ARHGEF26: variants seen among roughly 807,000 people sequenced by gnomAD.
The protein encoded by ARHGEF26 is Rho guanine nucleotide exchange factor (GEF) 26.
A neutral mutation model predicts 89.4 loss-of-function variants in ARHGEF26; 59 were observed. The observed-to-expected ratio is 0.66, with a 90% CI of 0.54 to 0.82. The LOEUF (loss-of-function observed/expected upper bound fraction) is 0.82. Ranked by LOEUF, ARHGEF26 falls within the 40% of genes least tolerant of loss-of-function variation. ARHGEF26 has a pLI of 0.00. For missense variants in ARHGEF26, 1,234 were observed against 1,085.6 expected, an observed-to-expected ratio of 1.14 and a Z score of -1.92; for synonymous variants, 500 against 428.4, an observed-to-expected ratio of 1.17 and a Z score of -2.06.
Position 154,124,391 on chromosome 3 carries a change from ACT to A in ARHGEF26, c.1084-18_1084-17del. 2.0e-6 allele frequency: 2 copies of A among 999,356 alleles called. No individual in the cohort carries two copies. The highest frequency in any genetic ancestry group is 2.5e-6 in the Non-Finnish European group (2 of 807,164). 61.9% of individuals were successfully genotyped at this position (999,356 alleles called of 1,614,324 possible). ...CTTTTCCTTTTTTTTTTTTTTTTTT[ACT>A]TTTTTTTGTCTCTTAGAAAAAAATG... On this transcript the variant is annotated splice_polypyrimidine_tract_variant and intron_variant, in intron 2 of 14. Transcript: ENST00000465093.
intron 9 of ARHGEF26, among the ~76,000 whole-genome samples, chr3:154,196,709 C>G (rs781558935): frequency 2.6e-5 from 4 of 151,950 alleles, no homozygotes; most frequent in Non-Finnish European, 5.9e-5. Context: ...GAGAAGTTAC[C>G]TAAGGTACTA....
intron 11 of ARHGEF26, among the ~76,000 whole-genome samples, chr3:154,229,034 T>A (rs947405483): frequency 5.3e-5 from 8 of 152,180 alleles, no homozygotes; most frequent in African/African-American, 1.4e-4. Flanking sequence ...GCAGAAGGTT[T>A]ATACTGGGCA....
At chr3:154,215,713 C>A (rs1456541072) in intron 9 of ARHGEF26, among the ~76,000 whole-genome samples, 4 of 152,156 alleles carry the variant, frequency 2.6e-5, no homozygotes, top group African/African-American at 9.7e-5. Flanking sequence ...TATGTCCTCA[C>A]ATGGTGGAGA....
At chr3:154,143,956 A>T (rs1359433275) in intron 4 of ARHGEF26, among the ~76,000 whole-genome samples, 1 of 152,194 alleles carries the variant, frequency 6.6e-6, no homozygotes, top group Non-Finnish European at 1.5e-5. Context: ...CAGGCTCAGT[A>T]GCCCACAGCG....
intron 6 of ARHGEF26, among the ~76,000 whole-genome samples, chr3:154,154,789 A>G (rs1205455679): frequency 6.6e-6 from 1 of 151,996 alleles, no homozygotes; most frequent in Non-Finnish European, 1.5e-5. Context: ...AATAATTATC[A>G]TCGAGTAACT....
chr3:154,181,339 C>A (rs1713171167), intron 6 of ARHGEF26, among the ~76,000 whole-genome samples: 1 of 152,118 alleles, frequency 6.6e-6, no homozygotes, highest in African/African-American at 2.4e-5. Flanking sequence ...TGGTATGTTA[C>A]AAGTCTCCAG....
At chr3:154,139,237 A>G (rs1719207704) in intron 4 of ARHGEF26, among the ~76,000 whole-genome samples, 1 of 152,080 alleles carries the variant, frequency 6.6e-6, no homozygotes, top group South Asian at 2.1e-4. Context: ...GTTTTTCCTC[A>G]TTCCTCTGTT....
At chr3:154,237,576 A>ACAC (rs1311210805) in intron 11 of ARHGEF26, among the ~76,000 whole-genome samples, 3 of 150,924 alleles carry the variant, frequency 2.0e-5, no homozygotes, top group Non-Finnish European at 4.4e-5. Flanking sequence ...ACACACACTT[A>ACAC]ACTAGTTTAT....
At chr3:154,193,345 C>G (rs890800506) in intron 8 of ARHGEF26, among the ~76,000 whole-genome samples, 11 of 152,114 alleles carry the variant, frequency 7.2e-5, no homozygotes, top group Admixed American at 6.5e-4. Context: ...GTATTTCTTA[C>G]AGTGAGTCAT....
intron 9 of ARHGEF26, among the ~76,000 whole-genome samples, chr3:154,212,537 C>T (rs1211878383): frequency 6.7e-6 from 1 of 150,248 alleles, no homozygotes; most frequent in Non-Finnish European, 1.5e-5. Flanking sequence ...TAAAAGTGGT[C>T]TCCAACCTTT....
intron 6 of ARHGEF26, among the ~76,000 whole-genome samples, chr3:154,184,578 CA>C (rs1458511895): frequency 6.6e-6 from 1 of 152,210 alleles, no homozygotes; most frequent in Admixed American, 6.5e-5. Flanking sequence ...GAAATCTCAG[CA>C]TCTTCCTTGA....
chr3:154,254,630 T>C, intron 13 of ARHGEF26, 90 bp from the exon 14 acceptor site: 4 of 981,768 alleles, frequency 4.1e-6, no homozygotes, highest in Non-Finnish European at 6.2e-6. Flanking sequence ...GGCCCTGAAT[T>C]GCAGAGAAAA....
intron 1 of ARHGEF26, 135 bp from the exon 2 acceptor site, chr3:154,121,807 C>A (rs1452426139): frequency 6.4e-6 from 5 of 785,026 alleles, no homozygotes; most frequent in Non-Finnish European, 7.6e-6. Context: ...AGTTTTTGCC[C>A]GAGAAAGGGC....
Position 154,256,472 on chromosome 3 carries a change from AGAG to A in ARHGEF26, c.*1003_*1005del, listed in dbSNP as rs1718509421. On this transcript the variant is annotated 3_prime_UTR_variant, in exon 15 of 15. Coordinates refer to ENST00000465093, the MANE Select transcript of ARHGEF26 (RefSeq NM_015595.4). Reference sequence around the variant, plus strand: ...CTCCTGCCCTCAAGTGATCCACCAGAGAGGAGATCCTCGGCCTCCCCAAGTGCT... The same window carrying A: ...CTCCTGCCCTCAAGTGATCCACCAGAGAGATCCTCGGCCTCCCCAAGTGCT... The A allele has an allele frequency of 6.7e-6, 6 of 893,638 alleles. No individual in the cohort carries two copies. The highest frequency in any genetic ancestry group is 8.0e-6 in the Non-Finnish European group (6 of 749,730). The allele number at this position is 893,638 out of a possible 1,614,324, so 55.4% of individuals were successfully genotyped here.
In ARHGEF26 at chr3:154,225,867, A is replaced by G. The variant is rs763831188; in HGVS notation, c.1947A>G (p.Leu649=). ...QLEFKIKPFP[L]VSSSRWLVKR... is the part of the protein sequence containing the mutation. Reference sequence around the variant, plus strand: ...TTCTCCTTTTGTAGCCTTTTCCTTTAGTCTCCTCTTCCCGGTGGTTGGTAA... The same window carrying G: ...TTCTCCTTTTGTAGCCTTTTCCTTTGGTCTCCTCTTCCCGGTGGTTGGTAA... The change falls in exon 11 of 15, where the codon TTA becomes TTG. Residue 649 remains leucine, a synonymous_variant. Coordinates refer to ENST00000465093, the MANE Select transcript of ARHGEF26 (RefSeq NM_015595.4). 2.5e-6 allele frequency: 4 copies of G among 1,602,990 alleles called. No individual in the cohort carries two copies. In the Admixed American group the frequency reaches 7.0e-5, roughly 28 times the overall value.
intron 5 of ARHGEF26, among the ~76,000 whole-genome samples, chr3:154,150,103 T>C (rs1719930703): frequency 6.7e-6 from 1 of 149,564 alleles, no homozygotes; most frequent in Non-Finnish European, 1.5e-5. Flanking sequence ...TATACATACA[T>C]ATAAATTGAT....
At chr3:154,170,927 A>T (rs1263467224) in intron 6 of ARHGEF26, among the ~76,000 whole-genome samples, 1 of 152,196 alleles carries the variant, frequency 6.6e-6, no homozygotes, top group East Asian at 1.9e-4. Context: ...TATTTCTGTA[A>T]ATACCTGTTG....
Position 154,122,848 on chromosome 3 carries a change from G to A in ARHGEF26, c.856G>A (p.Gly286Arg), listed in dbSNP as rs1354475483. The A allele has an allele frequency of 1.2e-6, 2 of 1,612,808 alleles. No individual in the cohort carries two copies. Among genetic ancestry groups the A allele is most frequent in the Admixed American group, 1.7e-5 (1 of 59,852 alleles). Residue 286 changes from glycine to arginine, a missense_variant, in exon 2 of 15, where the codon GGA becomes AGA. Transcript: ENST00000465093. ...LKVRSMVEGL[G>R]GPLGHAGEES... Reference sequence around the variant, plus strand: ...GGTGCGCAGCATGGTGGAGGGCCTAGGAGGACCCCTGGGTCACGCAGGGGA... The same window carrying A: ...GGTGCGCAGCATGGTGGAGGGCCTAAGAGGACCCCTGGGTCACGCAGGGGA...
chr3:154,198,982 T>TA (rs771198185), intron 9 of ARHGEF26, among the ~76,000 whole-genome samples: 36 of 152,242 alleles, frequency 2.4e-4, no homozygotes, highest in Non-Finnish European at 4.3e-4. Flanking sequence ...GATGTTTTGA[T>TA]ATAGGCATGC....
Sources: allele counts gnomAD v4.1 joint callset (sites outside exome capture counted in the v4.1 genomes callset), GRCh38; gene constraint gnomAD v4.1.1; transcripts MANE v1.5; gene names NCBI Gene and HGNC (gene_info 2026-07-23, HGNC 2026-07-21).